Variants in YBEY observed in about 807,000 individuals in gnomAD.
YBEY encodes the protein ybeY metalloendoribonuclease, also known as endoribonuclease YbeY.
In YBEY, 15 loss-of-function variants were observed where a neutral mutation model predicts 13.5. The ratio of observed to expected loss-of-function variants is 1.11; its 90% CI spans 0.75 to 1.72. The LOEUF (loss-of-function observed/expected upper bound fraction) is 1.72. Ranked by LOEUF, YBEY falls within the 40% of genes most tolerant of loss-of-function variation. YBEY has a pLI of 0.00. For synonymous variants in YBEY, 101 were observed against 83.1 expected, an observed-to-expected ratio of 1.21 and a Z score of -1.17; for missense variants, 244 against 208.4, an observed-to-expected ratio of 1.17 and a Z score of -1.05.
chr21:46,306,481 G>C, the YBEY span, among the ~76,000 whole-genome samples: 1 of 152,040 alleles, frequency 6.6e-6, no homozygotes, highest in African/African-American at 2.4e-5. Context: ...CCTGGCAACA[G>C]AGCGACACTC....
the YBEY span, among the ~76,000 whole-genome samples, chr21:46,311,088 T>C: frequency 6.6e-6 from 1 of 151,938 alleles, no homozygotes; most frequent in East Asian, 1.9e-4. Flanking sequence ...GCCAGGCTGG[T>C]CTCGAACTCT....
chr21:46,298,434 C>CTTTTTTTTTTTTTTTTTTGT (rs557264546), downstream of YBEY, among the ~76,000 whole-genome samples: 1 of 97,160 alleles, frequency 1.0e-5, no homozygotes, highest in Non-Finnish European at 2.1e-5. Flanking sequence ...TTAATCCAAG[C>CTTTTTTTTTTTTTTTTTTGT]TTTTTTTTTT....
At chr21:46,301,975 G>T, downstream of YBEY, 2 of 1,498,118 alleles carry the variant, frequency 1.3e-6, no homozygotes, top group Admixed American at 2.3e-5. Context: ...AGGGTGCCCC[G>T]GCCAGGGTCT....
chr21:46,302,392 C>T, downstream of YBEY: 2 of 1,137,598 alleles, frequency 1.8e-6, no homozygotes, highest in Non-Finnish European at 2.5e-6. Context: ...CAGGAATGCC[C>T]TTTCAGAGCT....
the YBEY span, among the ~76,000 whole-genome samples, chr21:46,303,962 A>G: frequency 1.4e-5 from 2 of 144,370 alleles, no homozygotes; most frequent in South Asian, 2.2e-4. Context: ...CGTGTTAGCC[A>G]GGATGGTCTC....
chr21:46,297,386 C>T (rs1346001637), intron 4 of YBEY, among the ~76,000 whole-genome samples, 153 bp from the exon 5 acceptor site: 1 of 8,224 alleles, frequency 1.2e-4, no homozygotes, highest in Admixed American at 1.7e-3. Context: ...TGAAGGTGCC[C>T]GGAGCCGGGT....
At position 46,286,927 on chromosome 21, in the gene YBEY, T is replaced by C; in HGVS notation, c.14T>C (p.Ile5Thr). ...ATTCTTCCTGAAATGAGTTTGGTGA[T>C]TAGAAATCTGCAGCGAGTCATCCCC... The part of the protein sequence containing the change: MSLV[I>T]RNLQRVIPIR... Residue 5 changes from isoleucine (I) to threonine (T), a missense_variant, in exon 2 of 5, where the codon ATT becomes ACT. By Grantham distance (89) the Ile-to-Thr change is moderately conservative. Transcript: ENST00000397701. 1 of 1,613,896 alleles carries C rather than the reference T, an allele frequency of 6.2e-7. No individual in the cohort carries two copies. The highest frequency in any genetic ancestry group is 1.1e-5 in the South Asian group (1 of 90,998).
downstream of YBEY, chr21:46,301,692 T>C (rs2082112763): frequency 8.6e-7 from 1 of 1,157,346 alleles, no homozygotes; most frequent in African/African-American, 1.6e-5. Flanking sequence ...GATCTGAGGC[T>C]CCCAGGTGGG....
At chr21:46,299,750 G>GCCCCCCCCCCCCCCCCCC (rs545785598), downstream of YBEY, among the ~76,000 whole-genome samples, 13 of 147,260 alleles carry the variant, frequency 8.8e-5, no homozygotes, top group African/African-American at 1.5e-4. Context: ...TGTGCCCTGA[G>GCCCCCCCCCCCCCCCCCC]CCCCCCCCAC....
intron 2 of YBEY, among the ~76,000 whole-genome samples, chr21:46,289,397 C>G (rs978818380): frequency 2.0e-5 from 3 of 151,030 alleles, no homozygotes; most frequent in African/African-American, 4.9e-5. Context: ...CCATAGTAGA[C>G]TGTGTGGATA....
downstream of YBEY, among the ~76,000 whole-genome samples, chr21:46,299,288 G>C (rs957034148): frequency 1.3e-5 from 2 of 152,030 alleles, no homozygotes; most frequent in Non-Finnish European, 2.9e-5. Flanking sequence ...GTTTCTTTAG[G>C]GAATGTGAGC....
the YBEY span, among the ~76,000 whole-genome samples, chr21:46,303,739 ATATATATTTTTTTTTT>A: frequency 0.031 from 875 of 28,198 alleles, 37 homozygotes; most frequent in Non-Finnish European, 0.036. Flanking sequence ...ATATATATAT[ATATATATTTTTTTTTT>A]TTTTTTTTTT....
chr21:46,287,106 T>G lies in YBEY; in HGVS notation c.193T>G (p.Ser65Ala), dbSNP rs746885088. 3 of 1,601,524 alleles carry G rather than the reference T, an allele frequency of 1.9e-6. No individual in the cohort carries two copies. The highest frequency in any genetic ancestry group is 2.2e-5 in the South Asian group (2 of 89,138). Residue 65 changes from serine (S) to alanine (A), a missense_variant, in exon 2 of 5, where the codon TCT becomes GCT. By Grantham distance (99) the Ser-to-Ala change is moderately conservative (BLOSUM62 1). Coordinates refer to ENST00000397701, the MANE Select transcript of YBEY (RefSeq NM_001314025.2). ...TAGAAATGTCCCAACCGATGTGCTT[T>G]CTTTTCCATTTCATGAGGTAAAAAA... ...RDRNVPTDVL[S>A]FPFHEHLKAG... is the part of the protein sequence containing the mutation.
At chr21:46,294,886 G>A (rs2081899209) in intron 3 of YBEY, among the ~76,000 whole-genome samples, 1 of 152,184 alleles carries the variant, frequency 6.6e-6, no homozygotes, top group Non-Finnish European at 1.5e-5. Flanking sequence ...GCATCTGTGT[G>A]GCTTGAGGCA....
At chr21:46,293,179 C>CTT (rs1569099959) in intron 3 of YBEY, among the ~76,000 whole-genome samples, 54 of 53,532 alleles carry the variant, frequency 1.0e-3, no homozygotes, top group East Asian at 2.3e-3. Flanking sequence ...ATTCCTCCCG[C>CTT]GGTTAGCCTG....
downstream of YBEY, chr21:46,300,673 G>A: frequency 7.8e-7 from 1 of 1,275,416 alleles, no homozygotes; most frequent in Non-Finnish European, 1.0e-6. Flanking sequence ...TGTCCCTGGG[G>A]AGCTCTGCAG....
At chr21:46,303,724 T>C in the YBEY span, among the ~76,000 whole-genome samples, 7 of 23,892 alleles carry the variant, frequency 2.9e-4, no homozygotes, top group Admixed American at 5.0e-4. Flanking sequence ...TATATATATA[T>C]ATATATATAT....
At chr21:46,302,224 C>G, downstream of YBEY, 2 of 1,432,068 alleles carry the variant, frequency 1.4e-6, no homozygotes, top group South Asian at 3.0e-5. Flanking sequence ...CGCCCTGTTC[C>G]TAACTGGGGC....
rs1454842655 is a variant in YBEY at position 46,288,473 on chromosome 21, C to T, written c.210+1350C>T. On this transcript the variant is annotated intron_variant, in intron 2 of 4. Transcript: ENST00000397701. Reference sequence around the variant, plus strand: ...TGGGTGGATCACGATGTCAGGAATTCAAGACCATCCTGGCCAACATGGTGA... The same window carrying T: ...TGGGTGGATCACGATGTCAGGAATTTAAGACCATCCTGGCCAACATGGTGA... Among the ~76,000 whole-genome samples, 3 of 151,938 alleles carry T rather than the reference C, an allele frequency of 2.0e-5. No individual in the cohort carries two copies. In the East Asian group the frequency reaches 5.8e-4, roughly 29 times the overall value.
Sources: allele counts gnomAD v4.1 joint callset (sites outside exome capture counted in the v4.1 genomes callset), GRCh38; gene constraint gnomAD v4.1.1; transcripts MANE v1.5; gene names NCBI Gene and HGNC (gene_info 2026-07-23, HGNC 2026-07-21).